FSTL5: variants seen among roughly 807,000 people sequenced by gnomAD.
FSTL5 encodes follistatin-related protein 5.
FSTL5 carries 62 observed loss-of-function variants against 89.1 expected under a neutral mutation model. The ratio of observed to expected loss-of-function variants is 0.70; its 90% CI spans 0.57 to 0.86. The LOEUF (loss-of-function observed/expected upper bound fraction) is 0.86, where lower values mean the gene tolerates loss of function less well. Among genes scored for constraint, FSTL5 ranks in the 40% least tolerant of loss-of-function variants. The pLI is 0.00. For synonymous variants in FSTL5, 383 were observed against 346.2 expected (o/e 1.11, Z -1.18); for missense variants, 1,057 against 1,001.6 (o/e 1.06, Z -0.75).
At chr4:161,600,577 T>C (rs752705873) in intron 7 of FSTL5, among the ~76,000 whole-genome samples, 3 of 152,146 alleles carry the variant, frequency 2.0e-5, no homozygotes, top group South Asian at 2.1e-4. Flanking sequence ...CCTATGTATA[T>C]GCAGAATATC....
intron 4 of FSTL5, among the ~76,000 whole-genome samples, chr4:161,898,460 T>C (rs1225325185): frequency 6.6e-6 from 1 of 152,006 alleles, no homozygotes; most frequent in Non-Finnish European, 1.5e-5. Flanking sequence ...CATAGGAAAG[T>C]GCCAAACTGT....
chr4:161,637,945 G>A (rs1188662792), intron 7 of FSTL5, among the ~76,000 whole-genome samples: 9 of 148,606 alleles, frequency 6.1e-5, no homozygotes, highest in African/African-American at 1.0e-4. Flanking sequence ...TTGGCGATGC[G>A]GGCTCTTTTT....
At chr4:161,730,737 T>C (rs1300498548) in intron 6 of FSTL5, among the ~76,000 whole-genome samples, 1 of 152,186 alleles carries the variant, frequency 6.6e-6, no homozygotes, top group African/African-American at 2.4e-5. Context: ...TATAGTTTGA[T>C]TCAACACTAA....
At chr4:161,403,124 C>T (rs1029626679) in intron 15 of FSTL5, among the ~76,000 whole-genome samples, 23 of 152,266 alleles carry the variant, frequency 1.5e-4, no homozygotes, top group Middle Eastern at 3.4e-3. Context: ...CCATGGCGCC[C>T]GGCCCCCAGA....
At chr4:161,807,952 T>A (rs1039907531) in intron 4 of FSTL5, among the ~76,000 whole-genome samples, 11 of 151,942 alleles carry the variant, frequency 7.2e-5, no homozygotes, top group East Asian at 3.9e-4. Context: ...CAGAGAGAAA[T>A]CAGAGAAATC....
chr4:161,882,021 T>G (rs1206043310), intron 4 of FSTL5, among the ~76,000 whole-genome samples: 1 of 152,118 alleles, frequency 6.6e-6, no homozygotes, highest in African/African-American at 2.4e-5. Context: ...TCAGACTGTT[T>G]CCTTCTGATT....
intron 7 of FSTL5, among the ~76,000 whole-genome samples, chr4:161,618,520 G>A (rs1367017325): frequency 6.7e-6 from 1 of 149,570 alleles, no homozygotes; most frequent in Non-Finnish European, 1.5e-5. Flanking sequence ...TTTATTGAGA[G>A]TTTTTAGCAT....
At chr4:161,828,072 C>G (rs1730721571) in intron 4 of FSTL5, among the ~76,000 whole-genome samples, 1 of 152,162 alleles carries the variant, frequency 6.6e-6, no homozygotes, top group African/African-American at 2.4e-5. Context: ...CCCCAAGGAC[C>G]TCTGTGAGAT....
chr4:161,699,686 T>G (rs895098870), intron 6 of FSTL5, among the ~76,000 whole-genome samples: 6 of 152,232 alleles, frequency 3.9e-5, no homozygotes, highest in Non-Finnish European at 5.9e-5. Flanking sequence ...TTTTAAATGT[T>G]AGGACAAAAT....
chr4:161,527,202 C>T (rs1191833282), intron 10 of FSTL5, among the ~76,000 whole-genome samples: 1 of 152,114 alleles, frequency 6.6e-6, no homozygotes, highest in East Asian at 1.9e-4. Flanking sequence ...CTCTTTGAAG[C>T]AATTGTGAAT....
intron 6 of FSTL5, among the ~76,000 whole-genome samples, chr4:161,735,352 T>G (rs1739773786): frequency 1.3e-5 from 2 of 152,108 alleles, no homozygotes; most frequent in South Asian, 4.2e-4. Context: ...TGCCTTTGAG[T>G]TTTTATGGAG....
At chr4:161,931,349 C>T (rs1459884696) in intron 3 of FSTL5, among the ~76,000 whole-genome samples, 1 of 151,640 alleles carries the variant, frequency 6.6e-6, no homozygotes, top group East Asian at 2.0e-4. Flanking sequence ...GTGAGTCAAA[C>T]AAGAACAGCT....
chr4:161,515,019 A>G (rs964044631), intron 10 of FSTL5, among the ~76,000 whole-genome samples: 3 of 152,130 alleles, frequency 2.0e-5, no homozygotes, highest in Non-Finnish European at 2.9e-5. Flanking sequence ...CTATTCCTAG[A>G]TGAAGATAAT....
chr4:161,396,619 A>C (rs1466448690), intron 15 of FSTL5, among the ~76,000 whole-genome samples: 1 of 150,938 alleles, frequency 6.6e-6, no homozygotes, highest in African/African-American at 2.4e-5. Flanking sequence ...GCACCACTGC[A>C]CTCCAGCCTG....
intron 11 of FSTL5, among the ~76,000 whole-genome samples, chr4:161,505,876 T>C (rs1730461607): frequency 6.6e-6 from 1 of 152,080 alleles, no homozygotes. Context: ...GACCAGTTAG[T>C]GAACTGGCCA....
At chr4:161,486,238 C>T (rs574934020) in intron 12 of FSTL5, among the ~76,000 whole-genome samples, 9 of 151,474 alleles carry the variant, frequency 5.9e-5, no homozygotes, top group Admixed American at 2.0e-4. Context: ...AACAAACTGT[C>T]GCTGGTATTA....
chr4:162,026,000 T>A (rs1737266779), intron 3 of FSTL5, among the ~76,000 whole-genome samples: 1 of 151,638 alleles, frequency 6.6e-6, no homozygotes, highest in South Asian at 2.1e-4. Context: ...GCAAATATAC[T>A]CTTTTATAAA....
At chr4:161,689,550 C>T (rs1378320473) in intron 6 of FSTL5, among the ~76,000 whole-genome samples, 1 of 151,808 alleles carries the variant, frequency 6.6e-6, no homozygotes, top group Non-Finnish European at 1.5e-5. Context: ...TCTGTTTTGC[C>T]TTTTTAATAT....
intron 4 of FSTL5, among the ~76,000 whole-genome samples, chr4:161,855,147 C>CT (rs1446707740): frequency 6.6e-6 from 1 of 151,682 alleles, no homozygotes; most frequent in African/African-American, 2.4e-5. Context: ...TGATTAAGCT[C>CT]TAATTGTGGT....
Sources: gnomAD v4.1 joint callset for allele counts (sites outside exome capture counted in the v4.1 genomes callset) on GRCh38, gnomAD v4.1.1 for gene constraint, MANE v1.5 for transcripts, NCBI Gene and HGNC (gene_info 2026-07-23, HGNC 2026-07-21) for gene names.